The following EPB41L5 variants were observed in gnomAD, a reference collection of about 807,000 sequenced individuals.
The protein encoded by EPB41L5 is erythrocyte membrane protein band 4.1 like 5, also known as band 4.1-like protein 5.
Under a neutral mutation model 106.6 loss-of-function variants are expected in EPB41L5, and 55 were observed. The ratio of observed to expected loss-of-function variants is 0.52; its 90% CI spans 0.42 to 0.65. The LOEUF (loss-of-function observed/expected upper bound fraction) is 0.65, where lower values mean the gene tolerates loss of function less well. Among genes scored for constraint, EPB41L5 ranks in the 30% least tolerant of loss-of-function variants. The pLI, the probability that EPB41L5 is intolerant of heterozygous loss-of-function variation, is 0.00. For missense variants in EPB41L5, 871 were observed against 882.1 expected (o/e 0.99, Z 0.16); for synonymous variants, 297 against 306.7 (o/e 0.97, Z 0.33).
chr2:120,016,301 G>A (rs114756311), intron 1 of EPB41L5, among the ~76,000 whole-genome samples: 7,002 of 152,062 alleles, frequency 0.046, 233 homozygotes, highest in Non-Finnish European at 0.072. Context: ...GTGGTGGCTG[G>A]TACCTGTAAT....
chr2:120,075,850 A>G (rs970950645), intron 7 of EPB41L5, 97 bp downstream of exon 7: 3 of 986,354 alleles, frequency 3.0e-6, no homozygotes, highest in East Asian at 4.9e-5. Flanking sequence ...AAGAAAAGAA[A>G]CAACACTGTT....
intron 20 of EPB41L5, among the ~76,000 whole-genome samples, chr2:120,151,171 G>T (rs1558908133): frequency 1.3e-5 from 2 of 151,990 alleles, no homozygotes; most frequent in Non-Finnish European, 2.9e-5. Flanking sequence ...AATTAGCCGG[G>T]TGCCTGTAGT....
At chr2:120,160,706 C>T (rs529227500) in intron 20 of EPB41L5, 175 bp from the exon 21 acceptor site, 81 of 570,998 alleles carry the variant, frequency 1.4e-4, no homozygotes, top group African/African-American at 1.2e-3. Context: ...TTAACTGGAG[C>T]GAGATGATGT....
At chr2:120,174,235 G>A (rs1687831550) in intron 24 of EPB41L5, among the ~76,000 whole-genome samples, 1 of 152,104 alleles carries the variant, frequency 6.6e-6, no homozygotes, top group Admixed American at 6.6e-5. Context: ...GAGGGCAGAT[G>A]GCTTGAGCCC....
chr2:120,128,664 A>G (rs1685561974), intron 17 of EPB41L5, among the ~76,000 whole-genome samples: 1 of 151,220 alleles, frequency 6.6e-6, no homozygotes, highest in South Asian at 2.1e-4. Flanking sequence ...AAATTTGTGT[A>G]TTTCCTAAGA....
At chr2:120,024,898 C>T (rs997348637) in intron 2 of EPB41L5, among the ~76,000 whole-genome samples, 10 of 152,156 alleles carry the variant, frequency 6.6e-5, no homozygotes, top group Non-Finnish European at 1.3e-4. Context: ...CCGCTGGATT[C>T]GGTTCGCCAG....
At chr2:120,110,846 G>T (rs912031178) in intron 16 of EPB41L5, among the ~76,000 whole-genome samples, 1 of 152,116 alleles carries the variant, frequency 6.6e-6, no homozygotes, top group South Asian at 2.1e-4. Flanking sequence ...ATGTTGGCCA[G>T]GCTGGTCTCA....
intron 14 of EPB41L5, among the ~76,000 whole-genome samples, chr2:120,096,598 A>T (rs1296357452): frequency 6.6e-6 from 1 of 152,104 alleles, no homozygotes; most frequent in East Asian, 1.9e-4. Flanking sequence ...GAGACCAGCC[A>T]GACCAACGTG....
At chr2:120,036,045 G>A (rs965455520) in intron 2 of EPB41L5, among the ~76,000 whole-genome samples, 1 of 152,166 alleles carries the variant, frequency 6.6e-6, no homozygotes, top group African/African-American at 2.4e-5. Context: ...TTCCAAATTT[G>A]TCTTGATAAT....
intron 2 of EPB41L5, among the ~76,000 whole-genome samples, chr2:120,039,721 A>G (rs950068199): frequency 1.3e-5 from 2 of 150,202 alleles, no homozygotes; most frequent in Non-Finnish European, 3.0e-5. Flanking sequence ...GCTACTCGGG[A>G]GGCTGAGGCA....
At chr2:120,121,240 CAT>C (rs1685202330) in intron 16 of EPB41L5, among the ~76,000 whole-genome samples, 1 of 152,196 alleles carries the variant, frequency 6.6e-6, no homozygotes, top group Non-Finnish European at 1.5e-5. Context: ...TTCTAGGGCA[CAT>C]GTGCACAACA....
At chr2:120,152,194 C>T (rs1296898697) in intron 20 of EPB41L5, among the ~76,000 whole-genome samples, 3 of 152,064 alleles carry the variant, frequency 2.0e-5, no homozygotes, top group Admixed American at 6.5e-5. Context: ...TGTGGAAATT[C>T]CATTCTATTC....
chr2:120,110,037 T>C (rs187540612), intron 16 of EPB41L5, among the ~76,000 whole-genome samples: 18 of 152,344 alleles, frequency 1.2e-4, no homozygotes, highest in Admixed American at 9.8e-4. Context: ...GATGTGTCTT[T>C]TCAGAGGAGC....
intron 18 of EPB41L5, among the ~76,000 whole-genome samples, chr2:120,141,042 ACTGACAG>A (rs1380298135): frequency 6.6e-6 from 1 of 152,142 alleles, no homozygotes; most frequent in Non-Finnish European, 1.5e-5. Flanking sequence ...GACTAGCACT[ACTGACAG>A]CAGAGTTGAC....
chr2:120,042,189 G>T, intron 3 of EPB41L5, 79 bp downstream of exon 3: 2 of 1,074,450 alleles, frequency 1.9e-6, no homozygotes, highest in Non-Finnish European at 2.8e-6. Context: ...TTGCTATAAG[G>T]CTTCCTATTC....
At chr2:120,061,583 C>T (rs1459369669) in intron 3 of EPB41L5, among the ~76,000 whole-genome samples, 2 of 151,450 alleles carry the variant, frequency 1.3e-5, no homozygotes, top group Non-Finnish European at 2.9e-5. Flanking sequence ...AGTTCTTGAC[C>T]TCAGGTGATC....
intron 2 of EPB41L5, among the ~76,000 whole-genome samples, chr2:120,024,821 T>C (rs939062688): frequency 6.6e-6 from 1 of 152,176 alleles, no homozygotes; most frequent in Non-Finnish European, 1.5e-5. Flanking sequence ...GATTTGTGCA[T>C]GTTGAACCAG....
At chr2:120,130,114 C>T (rs1685628610) in intron 17 of EPB41L5, among the ~76,000 whole-genome samples, 1 of 148,726 alleles carries the variant, frequency 6.7e-6, no homozygotes, top group Admixed American at 6.8e-5. Context: ...CCACTGTACT[C>T]CAGCCTGGGC....
At chr2:120,123,942 G>A (rs1350355293) in intron 16 of EPB41L5, among the ~76,000 whole-genome samples, 1 of 152,162 alleles carries the variant, frequency 6.6e-6, no homozygotes. Flanking sequence ...ACAGGCGTGA[G>A]CCACTGCACC....
Sources: allele counts gnomAD v4.1 joint callset (sites outside exome capture counted in the v4.1 genomes callset), GRCh38; gene constraint gnomAD v4.1.1; transcripts MANE v1.5; gene names NCBI Gene and HGNC (gene_info 2026-07-23, HGNC 2026-07-21).